The following ABCB1 variants were observed in gnomAD, a reference collection of about 807,000 sequenced individuals.
ABCB1 encodes the protein ATP-dependent translocase ABCB1.
In ABCB1, 69 loss-of-function variants were observed where a neutral mutation model predicts 142.0. The observed-to-expected ratio is 0.49, with a 90% CI of 0.40 to 0.59. The LOEUF is 0.59. Among genes scored for constraint, ABCB1 ranks in the 20% least tolerant of loss-of-function variants. The pLI, the probability that ABCB1 is intolerant of heterozygous loss-of-function variation, is 0.00. For synonymous variants in ABCB1, 532 were observed against 539.2 expected (o/e 0.99, Z 0.18); for missense variants, 1,326 against 1,554.7 (o/e 0.85, Z 2.47).
At chr7:87,620,870 T>C (rs1185601189) in intron 1 of ABCB1, among the ~76,000 whole-genome samples, 1 of 152,100 alleles carries the variant, frequency 6.6e-6, no homozygotes. Context: ...TGTGCAAAAA[T>C]GTATAGCTTT....
At chr7:87,668,835 A>G (rs914068772) in intron 1 of ABCB1, among the ~76,000 whole-genome samples, 1 of 152,090 alleles carries the variant, frequency 6.6e-6, no homozygotes, top group Admixed American at 6.6e-5. Context: ...TCTGTGATCC[A>G]AGAGTGTGTT....
chr7:87,685,198 G>A lies in ABCB1; in HGVS notation c.-331+27963C>T, dbSNP rs571091234. ...TTGCAAATCACATGTTTGACAAAGG[G>A]ATTGTATGCATAATATACAAAGAAT... On this transcript the variant is annotated intron_variant, in intron 1 of 28. Coordinates refer to the ABCB1 transcript ENST00000265724. 5.3e-5 allele frequency among the ~76,000 whole-genome samples: 8 copies of A among 152,244 alleles called. 1 individual carries two copies. In the South Asian group the frequency reaches 1.7e-3, roughly 32 times the overall value.
At chr7:87,509,597 T>G (rs986446874) in intron 25 of ABCB1, 116 bp from the exon 26 acceptor site, 135 of 1,127,568 alleles carry the variant, frequency 1.2e-4, no homozygotes, top group Non-Finnish European at 1.7e-4. Flanking sequence ...TAAGGAAAAG[T>G]TTGTGTGATT....
intron 1 of ABCB1, among the ~76,000 whole-genome samples, chr7:87,649,366 G>A (rs944363463): frequency 6.6e-6 from 1 of 152,200 alleles, no homozygotes; most frequent in Non-Finnish European, 1.5e-5. Context: ...AGGTGCTGAG[G>A]GAGATACATA....
chr7:87,675,604 A>G (rs988767153), intron 1 of ABCB1, among the ~76,000 whole-genome samples: 1 of 148,720 alleles, frequency 6.7e-6, no homozygotes, highest in Non-Finnish European at 1.5e-5. Flanking sequence ...CAATAGGGAA[A>G]GGATAATCTC....
intron 4 of ABCB1, among the ~76,000 whole-genome samples, chr7:87,576,787 T>A (rs937392005): frequency 1.3e-5 from 2 of 152,078 alleles, no homozygotes; most frequent in African/African-American, 4.8e-5. Flanking sequence ...GGGTGGTACA[T>A]AGTAGATGTA....
chr7:87,637,514 A>G (rs1354692824), intron 1 of ABCB1, among the ~76,000 whole-genome samples: 1 of 152,182 alleles, frequency 6.6e-6, no homozygotes, highest in Non-Finnish European at 1.5e-5. Flanking sequence ...GAAAACTGCC[A>G]TCTTTATGAT....
At chr7:87,635,216 G>A (rs774156594) in intron 1 of ABCB1, among the ~76,000 whole-genome samples, 1 of 152,136 alleles carries the variant, frequency 6.6e-6, no homozygotes, top group Non-Finnish European at 1.5e-5. Flanking sequence ...AATTGGGTAT[G>A]TAGACTGCAT....
Position 87,646,340 on chromosome 7 carries a change from T to C in ABCB1, c.-330-45262A>G, listed in dbSNP as rs138983878. Among the ~76,000 whole-genome samples, 7 of 152,292 alleles carry C rather than the reference T, an allele frequency of 4.6e-5. No individual in the cohort carries two copies. The East Asian group carries it at 1.4e-3, about 29-fold the overall frequency. Reference sequence around the variant, plus strand: ...TAGTTTGTTAAGTAATCTAGTGTTATTCCTGGAGAACATAGTGACTAAAAT... The same window carrying C: ...TAGTTTGTTAAGTAATCTAGTGTTACTCCTGGAGAACATAGTGACTAAAAT... On this transcript the variant is annotated intron_variant, in intron 1 of 28. Coordinates refer to the ABCB1 transcript ENST00000265724.
intron 1 of ABCB1, among the ~76,000 whole-genome samples, chr7:87,648,184 C>CAAAAAA (rs138383809): frequency 1.4e-4 from 9 of 65,460 alleles, no homozygotes; most frequent in Non-Finnish European, 2.7e-4. Flanking sequence ...GACTCTGTCT[C>CAAAAAA]AAAAAAAAAA....
At chr7:87,644,704 T>C (rs145319341) in intron 1 of ABCB1, among the ~76,000 whole-genome samples, 282 of 152,220 alleles carry the variant, frequency 1.9e-3, no homozygotes, top group African/African-American at 6.5e-3. Flanking sequence ...TAATATATGC[T>C]TGTTGTAAAG....
chr7:87,707,156 A>G, intron 1 of ABCB1, among the ~76,000 whole-genome samples: 1 of 152,174 alleles, frequency 6.6e-6, no homozygotes. Flanking sequence ...CAGAGTTGCT[A>G]TAAATTTTCA....
In ABCB1 at chr7:87,674,988, C is replaced by CCCTGTACCTACAGCCTTTT. The variant is rs536248619; in HGVS notation, c.-331+38154_-331+38172dup. ...CCTCTTGGTTTTGCACAGGCTGGAGCCCTGTACCTACAGCCTTTTCAGGCA... is the reference window on the plus strand; with the variant it reads ...CCTCTTGGTTTTGCACAGGCTGGAGCCCTGTACCTACAGCCTTTTCCTGTACCTACAGCCTTTTCAGGCA... On this transcript the variant is annotated intron_variant, in intron 1 of 28. Coordinates refer to the ABCB1 transcript ENST00000265724. Among the ~76,000 whole-genome samples the CCCTGTACCTACAGCCTTTT allele has an allele frequency of 5.3e-5, 8 of 152,338 alleles. No homozygotes were observed. The South Asian group carries it at 1.7e-3, about 32-fold the overall frequency.
At chr7:87,685,111 AG>A (rs1287627535) in intron 1 of ABCB1, among the ~76,000 whole-genome samples, 1 of 152,192 alleles carries the variant, frequency 6.6e-6, no homozygotes, top group African/African-American at 2.4e-5. Context: ...CAAAATTAAA[AG>A]CTTTTACTCC....
In ABCB1 at chr7:87,553,891, T is replaced by C; in HGVS notation, c.869A>G (p.Lys290Arg). The change falls in exon 9 of 28, where the codon AAG becomes AGG. Residue 290 changes from lysine to arginine, a missense_variant. Lys to Arg is a conservative substitution (Grantham distance 26). Coordinates refer to ENST00000622132, the MANE Select transcript of ABCB1 (RefSeq NM_001348946.2). ...AGAAATATTGGCTGTAATAGCTTTC[T>C]TTATCCCAATTCTTTTAGCTTCTTC... ...NLEEAKRIGI[K>R]KAITANISIG... The C allele has an allele frequency of 6.2e-7, 1 of 1,614,058 alleles. No homozygotes were observed. The highest frequency in any genetic ancestry group is 8.5e-7 in the Non-Finnish European group (1 of 1,179,922).
chr7:87,628,456 G>A (rs980859151), intron 1 of ABCB1: 5 of 176,288 alleles, frequency 2.8e-5, no homozygotes, highest in African/African-American at 1.2e-4. Flanking sequence ...TTGGGCGTGA[G>A]GGGCCGACGG....
At chr7:87,562,780 A>AC (rs1817616409) in intron 7 of ABCB1, among the ~76,000 whole-genome samples, 1 of 150,636 alleles carries the variant, frequency 6.6e-6, no homozygotes, top group Non-Finnish European at 1.5e-5. Context: ...AAAAAAAAAA[A>AC]GACCCTCTAA....
At chr7:87,583,734 T>C (rs1324490387) in intron 4 of ABCB1, among the ~76,000 whole-genome samples, 1 of 152,126 alleles carries the variant, frequency 6.6e-6, no homozygotes, top group African/African-American at 2.4e-5. Flanking sequence ...CTTAGTCCAT[T>C]TGGGATGATA....
intron 1 of ABCB1, among the ~76,000 whole-genome samples, chr7:87,655,175 AAAT>A (rs1415712957): frequency 1.3e-5 from 2 of 152,122 alleles, no homozygotes; most frequent in Non-Finnish European, 2.9e-5. Context: ...GATTAAATAA[AAAT>A]AAAAATAGAA....
Sources: allele counts gnomAD v4.1 joint callset (sites outside exome capture counted in the v4.1 genomes callset), GRCh38; gene constraint gnomAD v4.1.1; transcripts MANE v1.5; gene names NCBI Gene and HGNC (gene_info 2026-07-23, HGNC 2026-07-21).